The following MYO9A variants were observed in gnomAD, a reference collection of about 807,000 sequenced individuals.
MYO9A encodes unconventional myosin-IXa.
Under a neutral mutation model 293.3 loss-of-function variants are expected in MYO9A, and 103 were observed. The observed-to-expected ratio is 0.35, with a 90% confidence interval of 0.30 to 0.41. The LOEUF is 0.41. Among genes scored for constraint, MYO9A ranks in the 10% least tolerant of loss-of-function variants. The pLI is 1.00. For synonymous variants in MYO9A, 1,001 were observed against 1,035.7 expected, an observed-to-expected ratio of 0.97 and a Z score of 0.64; for missense variants, 2,685 against 3,033.0, an observed-to-expected ratio of 0.89 and a Z score of 2.69.
rs373904653 is a variant in MYO9A, at chr15:71,897,709, G to A, written c.4794C>T (p.Asp1598=). The change falls in exon 25 of 42, where the codon GAC becomes GAT. Residue 1598 remains aspartate, a synonymous_variant. Coordinates refer to ENST00000356056, the MANE Select transcript of MYO9A (RefSeq NM_006901.4). ...TTTCAAAGAACACGGTGACAGGTCG[G>A]TCCTTTGGGGGTAAGTGAGCAGAGG... ...DSSSAHLPPK[D]RPVTVFFERK... 15 of 1,614,038 alleles carry A rather than the reference G, an allele frequency of 9.3e-6. No individual in the cohort carries two copies. Among genetic ancestry groups the A allele is most frequent in the Middle Eastern group, 1.6e-4 (1 of 6,084 alleles).
At position 71,904,965 on chromosome 15, in the gene MYO9A, T is replaced by G; in HGVS notation, c.2727A>C (p.Glu909Asp). 2 of 1,606,298 alleles carry G rather than the reference T, an allele frequency of 1.2e-6. No homozygotes were observed. Among genetic ancestry groups the G allele is most frequent in the Non-Finnish European group, 1.7e-6 (2 of 1,174,942 alleles). The part of the protein sequence containing the change: ...SKLMETLGQA[E>D]PYFVKCIRSN... ...AGCGAATGCATTTTACAAAATATGG[T>G]TCTGCTTGACCAAGTGTTTCCATTA... The change falls in exon 20 of 42, where the codon GAA becomes GAC. Residue 909 changes from glutamate to aspartate, a missense_variant. By Grantham distance (45) the Glu-to-Asp change is conservative. This residue lies in a region of MYO9A where 1,434 missense variants were observed against 1,497.7 expected (regional missense o/e 0.96). Coordinates refer to ENST00000356056, the MANE Select transcript of MYO9A (RefSeq NM_006901.4).
intron 1 of MYO9A, among the ~76,000 whole-genome samples, chr15:72,051,954 G>C (rs1203579138): frequency 6.6e-6 from 1 of 152,192 alleles, no homozygotes; most frequent in Non-Finnish European, 1.5e-5. Flanking sequence ...GGCACCCGAT[G>C]ACCAGAGTGG....
chr15:71,898,244 A>C lies in MYO9A; in HGVS notation c.4259T>G (p.Phe1420Cys), dbSNP rs756977474. 5 of 1,614,174 alleles carry C rather than the reference A, an allele frequency of 3.1e-6. No homozygotes were observed. The highest frequency in any genetic ancestry group is 4.2e-6 in the Non-Finnish European group (5 of 1,180,042). ...TGGGTCTTGTTGGGGGATATAAAAA[A>C]AAGTAGGTAGACTATTTGAAATGAA... is the stretch of plus-strand genomic sequence containing the variant. ...DSFISNSLPT[F>C]FYIPQQDPLK... The change falls in exon 25 of 42, where the codon TTT becomes TGT. Residue 1420 changes from phenylalanine to cysteine, a missense_variant. By Grantham distance (205) the Phe-to-Cys change is radical. This residue lies in a region of MYO9A where 1,434 missense variants were observed against 1,497.7 expected (regional missense o/e 0.96). Coordinates refer to ENST00000356056, the MANE Select transcript of MYO9A (RefSeq NM_006901.4).
chr15:72,060,551 T>C (rs1325651995), intron 1 of MYO9A, among the ~76,000 whole-genome samples: 1 of 152,144 alleles, frequency 6.6e-6, no homozygotes, highest in African/African-American at 2.4e-5. Context: ...ACAGAGATTG[T>C]GGGACTTTGC....
rs2058600682 is a variant in MYO9A, at chr15:71,935,119, G to A, written c.2522+222C>T. 9 of 440,420 alleles carry A rather than the reference G, an allele frequency of 2.0e-5. No individual in the cohort carries two copies. The South Asian group carries it at 4.3e-4, about 21-fold the overall frequency. 27.3% of individuals were successfully genotyped at this position (440,420 alleles called of 1,614,324 possible). On this transcript the variant is annotated intron_variant, in intron 17 of 41. Coordinates refer to ENST00000356056, the MANE Select transcript of MYO9A (RefSeq NM_006901.4). ...AATATACTCAGTCATGATTCTCCTG[G>A]TAATATGGGGGAGAAAAATCAACAA...
At chr15:72,096,241 G>A (rs2150730104) in intron 1 of MYO9A, among the ~76,000 whole-genome samples, 1 of 152,146 alleles carries the variant, frequency 6.6e-6, no homozygotes, top group Admixed American at 6.5e-5. Flanking sequence ...AGGAGGTTGA[G>A]GTGGGAGAAT....
At chr15:71,907,097 C>T (rs1339788978) in intron 19 of MYO9A, among the ~76,000 whole-genome samples, 3 of 144,586 alleles carry the variant, frequency 2.1e-5, no homozygotes, top group Non-Finnish European at 3.0e-5. Context: ...TCCCCCCTCC[C>T]CCTACCCCAC....
intron 11 of MYO9A, among the ~76,000 whole-genome samples, chr15:71,983,310 C>T (rs2076320430): frequency 6.6e-6 from 1 of 151,354 alleles, no homozygotes; most frequent in African/African-American, 2.4e-5. Flanking sequence ...AAACATGTAT[C>T]CTTAACTTAT....
At chr15:71,953,962 C>A (rs2146674821) in intron 14 of MYO9A, among the ~76,000 whole-genome samples, 1 of 152,092 alleles carries the variant, frequency 6.6e-6, no homozygotes, top group Non-Finnish European at 1.5e-5. Context: ...CTGGTGCAAT[C>A]TCGGCTCACT....
chr15:71,882,993 T>C (rs1478587358), intron 28 of MYO9A, among the ~76,000 whole-genome samples: 2 of 151,958 alleles, frequency 1.3e-5, no homozygotes, highest in African/African-American at 2.4e-5. Context: ...TTTGTAGAGA[T>C]GGGGTTTCAC....
intron 1 of MYO9A, among the ~76,000 whole-genome samples, chr15:72,063,648 C>A (rs1219728274): frequency 6.6e-6 from 1 of 152,132 alleles, no homozygotes; most frequent in African/African-American, 2.4e-5. Context: ...CCAAGACAGA[C>A]AACAACAAAT....
At chr15:72,099,550 C>T (rs932755614) in intron 1 of MYO9A, among the ~76,000 whole-genome samples, 4 of 151,610 alleles carry the variant, frequency 2.6e-5, no homozygotes, top group African/African-American at 7.3e-5. Flanking sequence ...TGCAGCCAGC[C>T]GTGGTCACAT....
At chr15:72,069,506 G>A (rs1192383364) in intron 1 of MYO9A, among the ~76,000 whole-genome samples, 2 of 151,958 alleles carry the variant, frequency 1.3e-5, no homozygotes, top group Non-Finnish European at 2.9e-5. Context: ...ATTACAGAGG[G>A]TTATACTTCA....
At chr15:72,066,484 C>CAAAAA (rs369900151) in intron 1 of MYO9A, among the ~76,000 whole-genome samples, 2 of 88,686 alleles carry the variant, frequency 2.3e-5, no homozygotes, top group African/African-American at 4.5e-5. Context: ...GACTTGGTCT[C>CAAAAA]AAAAAAAAAA....
chr15:71,904,120 G>T, intron 20 of MYO9A, 81 bp from the exon 21 acceptor site: 1 of 1,082,042 alleles, frequency 9.2e-7, no homozygotes, highest in Non-Finnish European at 1.4e-6. Flanking sequence ...ACTAACTGTT[G>T]AGTATCTAGA....
chr15:71,951,904 A>C lies in MYO9A; in HGVS notation c.2183-8T>G. ...GCGCTGTATCATCATGTCCTTAGGA[A>C]GCAAAAAAAAACAAACAAAAAAAAA... is the stretch of plus-strand genomic sequence containing the variant. On this transcript the variant is annotated splice_polypyrimidine_tract_variant and splice_region_variant and intron_variant, in intron 14 of 41. Coordinates refer to ENST00000356056, the MANE Select transcript of MYO9A (RefSeq NM_006901.4). 6 of 1,570,056 alleles carry C rather than the reference A, an allele frequency of 3.8e-6. No individual in the cohort carries two copies. In the South Asian group the frequency reaches 7.2e-5, roughly 19 times the overall value.
intron 1 of MYO9A, among the ~76,000 whole-genome samples, chr15:72,068,555 T>G (rs2079088664): frequency 6.6e-6 from 1 of 152,080 alleles, no homozygotes; most frequent in African/African-American, 2.4e-5. Context: ...AGCCTTGATC[T>G]TCCTGGCTCA....
In MYO9A at chr15:71,993,131, A is replaced by T. The variant is rs2076588160; in HGVS notation, c.1587+1338T>A. Among the ~76,000 whole-genome samples, 3 of 151,912 alleles carry T rather than the reference A, an allele frequency of 2.0e-5. No homozygotes were observed. In the South Asian group the frequency reaches 6.2e-4, roughly 32 times the overall value. ...TTTGGGAGGCCAAGAAGGGCAGGTC[A>T]CTTGAGGTCAGGTGTTCGAGACCAG... On this transcript the variant is annotated intron_variant, in intron 10 of 41. Transcript: ENST00000356056.
chr15:72,096,865 A>G (rs964654080), intron 1 of MYO9A, among the ~76,000 whole-genome samples: 5 of 152,264 alleles, frequency 3.3e-5, no homozygotes, highest in African/African-American at 1.2e-4. Context: ...CTTCAGTGGA[A>G]GAAGGAATTG....
Sources: allele counts gnomAD v4.1 joint callset (sites outside exome capture counted in the v4.1 genomes callset), GRCh38; gene constraint gnomAD v4.1.1; regional missense constraint gnomAD v4.1.1; transcripts MANE v1.5; gene names NCBI Gene and HGNC (gene_info 2026-07-23, HGNC 2026-07-21).